The following TERB1 variants were observed in gnomAD, a reference collection of about 807,000 sequenced individuals.
The protein encoded by TERB1 is telomere repeat binding bouquet formation protein 1, also known as telomere repeats-binding bouquet formation protein 1.
A neutral mutation model predicts 92.3 loss-of-function variants in TERB1; 63 were observed. That is an observed-to-expected ratio of 0.68 (90% CI 0.56 to 0.84). The LOEUF is 0.84. Ranked by LOEUF, TERB1 falls within the 40% of genes least tolerant of loss-of-function variation. The probability of loss-of-function intolerance (pLI) is 0.00; values close to 1 mark genes in which losing one functional copy is unlikely to be tolerated. For synonymous variants in TERB1, 252 were observed against 283.9 expected (o/e 0.89, Z 1.13); for missense variants, 709 against 843.7 (o/e 0.84, Z 1.98).
chr16:66,779,015 G>C lies in TERB1; in HGVS notation c.701C>G (p.Thr234Arg). The C allele has an allele frequency of 6.7e-7, 1 of 1,481,990 alleles. No homozygotes were observed. Among genetic ancestry groups the C allele is most frequent in the South Asian group, 1.3e-5 (1 of 75,222 alleles). 91.8% of individuals were successfully genotyped at this position (1,481,990 alleles called of 1,614,324 possible). Residue 234 changes from threonine (T) to arginine (R), a missense_variant and splice_region_variant, in exon 10 of 19, where the codon ACA becomes AGA. Thr to Arg is a moderately conservative substitution (Grantham distance 71). Coordinates refer to ENST00000433154, the MANE Select transcript of TERB1 (RefSeq NM_001136505.2). Reference sequence around the variant, plus strand: ...AGATACGAAGTATTTCTGAACATATGCTTAAAGAATAAAGTAGCAAAACTA... The same window carrying C: ...AGATACGAAGTATTTCTGAACATATCCTTAAAGAATAAAGTAGCAAAACTA... Reference protein sequence around the residue: ...SFIGLTLANNTYVQKYFVSVG... With the variant: ...SFIGLTLANNRYVQKYFVSVG...
In TERB1 at chr16:66,786,227, G is replaced by C. The variant is rs1480355281; in HGVS notation, c.459C>G (p.Phe153Leu). 6.5e-7 allele frequency: 1 copy of C among 1,548,576 alleles called. No homozygotes were observed. The highest frequency in any genetic ancestry group is 1.4e-5 in the African/African-American group (1 of 72,950). ...AAAAGAAATTTGTATTTGTTTACCT[G>C]AATAACCGTGACAGAACTGTAATAC... ...TGCITVLSRL[F>L]RTVISKHELD... Residue 153 changes from phenylalanine to leucine, a missense_variant and splice_region_variant, in exon 7 of 19, where the codon TTC becomes TTG. Coordinates refer to ENST00000433154, the MANE Select transcript of TERB1 (RefSeq NM_001136505.2).
intron 12 of TERB1, 60 bp downstream of exon 12, chr16:66,775,058 G>A: frequency 6.6e-7 from 1 of 1,514,356 alleles, no homozygotes. Context: ...CATGAAAGCA[G>A]AAATAAATTC....
At chr16:66,793,373 T>C (rs933421872) in intron 3 of TERB1, among the ~76,000 whole-genome samples, 5 of 149,970 alleles carry the variant, frequency 3.3e-5, no homozygotes, top group Non-Finnish European at 7.4e-5. Flanking sequence ...CCCACCGCCA[T>C]GCCCGGCTAA....
In TERB1 at chr16:66,778,953, G is replaced by T. The variant is rs1236662932; in HGVS notation, c.763C>A (p.Gln255Lys). The T allele has an allele frequency of 9.8e-6, 15 of 1,536,098 alleles. No individual in the cohort carries two copies. The highest frequency in any genetic ancestry group is 1.2e-5 in the Non-Finnish European group (14 of 1,134,576). Residue 255 changes from glutamine (Q) to lysine (K), a missense_variant, in exon 10 of 19, where the codon CAG becomes AAG. By Grantham distance (53) the Gln-to-Lys change is moderately conservative. Coordinates refer to ENST00000433154, the MANE Select transcript of TERB1 (RefSeq NM_001136505.2). Reference sequence around the variant, plus strand: ...GTCTCATGTGAATCAGATTCCAGCTGCATGAGAACTTGAGACAATACATCC... The same window carrying T: ...GTCTCATGTGAATCAGATTCCAGCTTCATGAGAACTTGAGACAATACATCC... ...GLDVLSQVLM[Q>K]LESDSHETLS...
chr16:66,773,523 C>G (rs1356018408), intron 12 of TERB1, among the ~76,000 whole-genome samples: 1 of 152,136 alleles, frequency 6.6e-6, no homozygotes, highest in Non-Finnish European at 1.5e-5. Context: ...TCCCTCCTAT[C>G]ACAGGGCCTT....
intron 9 of TERB1, among the ~76,000 whole-genome samples, chr16:66,784,610 GGT>G (rs2018692199): frequency 6.6e-6 from 1 of 151,932 alleles, no homozygotes; most frequent in Non-Finnish European, 1.5e-5. Context: ...TGGGATTACA[GGT>G]GTGAGCTACC....
intron 8 of TERB1, 48 bp downstream of exon 8, chr16:66,785,966 C>T: frequency 6.5e-7 from 1 of 1,527,484 alleles, no homozygotes. Flanking sequence ...TATCAGTTTT[C>T]ATTTGTTTTT....
At chr16:66,763,343 C>T (rs968512906) in intron 16 of TERB1, among the ~76,000 whole-genome samples, 5 of 152,148 alleles carry the variant, frequency 3.3e-5, no homozygotes, top group Non-Finnish European at 5.9e-5. Context: ...CATTTACTTA[C>T]TGAAGATACT....
intron 2 of TERB1, among the ~76,000 whole-genome samples, chr16:66,798,922 T>C (rs571949957): frequency 6.6e-6 from 1 of 152,346 alleles, no homozygotes; most frequent in South Asian, 2.1e-4. Context: ...GCAAATAATT[T>C]GACTAACTTC....
At chr16:66,792,731 T>G (rs2018856480) in intron 3 of TERB1, among the ~76,000 whole-genome samples, 1 of 152,234 alleles carries the variant, frequency 6.6e-6, no homozygotes. Context: ...CTAGGTTGTA[T>G]GGACAGCTAT....
intron 9 of TERB1, among the ~76,000 whole-genome samples, chr16:66,784,828 C>G (rs970547395): frequency 3.4e-5 from 5 of 146,294 alleles, no homozygotes; most frequent in Admixed American, 2.8e-4. Context: ...TCAGCCTCTG[C>G]AGGTTCAAGA....
chr16:66,780,369 G>A (rs772925296), intron 9 of TERB1, among the ~76,000 whole-genome samples: 39 of 151,242 alleles, frequency 2.6e-4, no homozygotes, highest in Admixed American at 7.3e-4. Flanking sequence ...ATATCAGCCT[G>A]GGCAACATAG....
At chr16:66,773,807 C>G (rs2018494545) in intron 12 of TERB1, among the ~76,000 whole-genome samples, 2 of 152,168 alleles carry the variant, frequency 1.3e-5, no homozygotes, top group Admixed American at 1.3e-4. Flanking sequence ...TGTGAATACA[C>G]AGACTGTTTT....
chr16:66,773,833 T>C (rs1323559560), intron 12 of TERB1, among the ~76,000 whole-genome samples: 2 of 152,168 alleles, frequency 1.3e-5, no homozygotes, highest in Non-Finnish European at 2.9e-5. Context: ...ACTGTATCCC[T>C]GATGTCCCTG....
chr16:66,788,495 T>C (rs934615121), intron 5 of TERB1, among the ~76,000 whole-genome samples, 198 bp from the exon 6 acceptor site: 2 of 151,510 alleles, frequency 1.3e-5, no homozygotes, highest in African/African-American at 4.9e-5. Flanking sequence ...AGAATATTAA[T>C]CAAAAGTACT....
At chr16:66,758,141 T>C (rs1194091834) in intron 18 of TERB1, among the ~76,000 whole-genome samples, 1 of 152,204 alleles carries the variant, frequency 6.6e-6, no homozygotes, top group Non-Finnish European at 1.5e-5. Flanking sequence ...TAATTATGCC[T>C]TACAATAGGA....
chr16:66,801,034 C>T lies in TERB1; in HGVS notation c.-90G>A, dbSNP rs765202914. The T allele has an allele frequency of 2.0e-5, 3 of 152,356 alleles. No homozygotes were observed. Among genetic ancestry groups the T allele is most frequent in the Non-Finnish European group, 2.9e-5 (2 of 68,142 alleles). 9.4% of individuals were successfully genotyped at this position (152,356 alleles called of 1,614,324 possible). A position where few individuals can be genotyped will look rare whatever the true frequency, so the allele number is the denominator to read the frequency against. On this transcript the variant is annotated 5_prime_UTR_variant, in exon 2 of 19. Coordinates refer to ENST00000433154, the MANE Select transcript of TERB1 (RefSeq NM_001136505.2). ...TTAGGTGGCCCCTCCAGGCTCCTCT[C>T]TGACCAGGGCTCGCAAGTCCTGCGT...
chr16:66,765,673 G>T (rs2018328171), intron 16 of TERB1, among the ~76,000 whole-genome samples: 1 of 151,338 alleles, frequency 6.6e-6, no homozygotes. Context: ...GACCAGGCTG[G>T]TCTTGAACTC....
chr16:66,760,599 A>G (rs2018223531), intron 16 of TERB1, among the ~76,000 whole-genome samples: 1 of 133,354 alleles, frequency 7.5e-6, no homozygotes, highest in Non-Finnish European at 1.6e-5. Flanking sequence ...CAGCCTGGCC[A>G]ATATGGTGAA....
Sources: allele counts gnomAD v4.1 joint callset (sites outside exome capture counted in the v4.1 genomes callset), GRCh38; gene constraint gnomAD v4.1.1; transcripts MANE v1.5; gene names NCBI Gene and HGNC (gene_info 2026-07-23, HGNC 2026-07-21).